Variants in GPC3 observed in about 807,000 individuals in gnomAD.
GPC3 encodes glypican 3.
In GPC3, 3 loss-of-function variants were observed where a neutral mutation model predicts 34.4. That is an observed-to-expected ratio of 0.09 (90% CI 0.04 to 0.23). The LOEUF (loss-of-function observed/expected upper bound fraction) is 0.23, where lower values mean the gene tolerates loss of function less well. GPC3 is among the 10% of genes least tolerant of loss of function. The pLI is 1.00. For missense variants in GPC3, 351 were observed against 445.6 expected (o/e 0.79, Z 1.91); for synonymous variants, 177 against 174.0 (o/e 1.02, Z -0.13).
At chrX:133,638,234 C>T (rs1379255617) in intron 6 of GPC3, among the ~76,000 whole-genome samples, 1 of 111,655 alleles carries the variant, frequency 9.0e-6, no homozygotes, top group Non-Finnish European at 1.9e-5. Flanking sequence ...GTGAACACGT[C>T]CTTTATTCAT....
At chrX:133,805,813 C>G (rs1275305738) in intron 2 of GPC3, among the ~76,000 whole-genome samples, 2 of 112,049 alleles carry the variant, frequency 1.8e-5, no homozygotes, top group Non-Finnish European at 3.8e-5. Flanking sequence ...TCCTTATCAT[C>G]CTTATCATCA....
In GPC3 at chrX:133,852,535, C is replaced by G. The variant is rs73567078; in HGVS notation, c.338-98359G>C. On this transcript the variant is annotated intron_variant, in intron 2 of 7. Coordinates refer to ENST00000370818, the MANE Select transcript of GPC3 (RefSeq NM_004484.4). ...TCTAAACGTTTAAAATCCTGGAAAGCAACTAATCACTTCTAATGAGCTGCC... is the reference window on the plus strand; with the variant it reads ...TCTAAACGTTTAAAATCCTGGAAAGGAACTAATCACTTCTAATGAGCTGCC... Among the ~76,000 whole-genome samples the G allele has an allele frequency of 1.7e-3, 193 of 111,972 alleles. 1 individual carries two copies. The highest frequency in any genetic ancestry group is 5.5e-3 in the African/African-American group (170 of 30,872).
At chrX:133,777,354 G>C (rs1463718754) in intron 2 of GPC3, among the ~76,000 whole-genome samples, 1 of 110,066 alleles carries the variant, frequency 9.1e-6, no homozygotes, top group Admixed American at 9.7e-5. Context: ...TGGACCTCTG[G>C]AGCCCAAATT....
Position 133,588,814 on chromosome X carries a change from A to G in GPC3, c.1573+7626T>C, listed in dbSNP as rs182255008. On this transcript the variant is annotated intron_variant, in intron 7 of 7. Coordinates refer to ENST00000370818, the MANE Select transcript of GPC3 (RefSeq NM_004484.4). ...GAGATCGTCGTTATTTTGTGTTCAG[A>G]TTATAAAGTAACTATAAAAAGGGAA... 8.0e-5 allele frequency among the ~76,000 whole-genome samples: 9 copies of G among 112,231 alleles called. No homozygotes were observed. The Admixed American group carries it at 8.5e-4, about 11-fold the overall frequency.
chrX:133,883,710 C>T (rs1021028941), intron 2 of GPC3, among the ~76,000 whole-genome samples: 1 of 111,582 alleles, frequency 9.0e-6, no homozygotes, highest in Non-Finnish European at 1.9e-5. Context: ...CTTTAAAGTA[C>T]TCATTACTGA....
intron 3 of GPC3, among the ~76,000 whole-genome samples, chrX:133,722,113 C>T (rs186520458): frequency 9.3e-4 from 104 of 111,342 alleles, no homozygotes; most frequent in African/African-American, 2.8e-3. Flanking sequence ...ATTATGCATA[C>T]GGATACAGTC....
intron 2 of GPC3, among the ~76,000 whole-genome samples, chrX:133,810,010 A>T (rs949175103): frequency 8.9e-6 from 1 of 112,333 alleles, no homozygotes; most frequent in Non-Finnish European, 1.9e-5. Flanking sequence ...AATATGAGAC[A>T]GTGAGCATTA....
chrX:133,950,097 C>T (rs2076385736), intron 2 of GPC3, among the ~76,000 whole-genome samples: 1 of 112,213 alleles, frequency 8.9e-6, no homozygotes, highest in South Asian at 3.7e-4. Context: ...AAAGGAAAGT[C>T]TACTTTTAGT....
intron 7 of GPC3, among the ~76,000 whole-genome samples, chrX:133,564,468 C>T (rs1439288171): frequency 9.0e-6 from 1 of 111,312 alleles, no homozygotes; most frequent in Admixed American, 9.6e-5. Flanking sequence ...AAGTCAGAGA[C>T]TCTCATCCCT....
At chrX:133,635,832 A>T (rs758264468) in intron 6 of GPC3, among the ~76,000 whole-genome samples, 17 of 56,285 alleles carry the variant, frequency 3.0e-4, no homozygotes, top group African/African-American at 1.3e-3. Context: ...GTGTGTACAT[A>T]AAAAAAAAAA....
chrX:133,788,122 A>ATATG, intron 2 of GPC3, among the ~76,000 whole-genome samples: 1 of 74,246 alleles, frequency 1.3e-5, no homozygotes, highest in East Asian at 3.9e-4. Context: ...ATATATATAT[A>ATATG]TGTATGTATA....
intron 2 of GPC3, among the ~76,000 whole-genome samples, chrX:133,950,031 C>T (rs1487208447): frequency 9.0e-6 from 1 of 111,420 alleles, no homozygotes; most frequent in Non-Finnish European, 1.9e-5. Flanking sequence ...AATAAATCTT[C>T]ACTATTGTTA....
At chrX:133,748,568 T>C (rs1188201740) in intron 3 of GPC3, among the ~76,000 whole-genome samples, 2 of 109,346 alleles carry the variant, frequency 1.8e-5, no homozygotes, top group Non-Finnish European at 3.8e-5. Flanking sequence ...CCATCTCTCT[T>C]CCCCCCAACA....
intron 2 of GPC3, among the ~76,000 whole-genome samples, chrX:133,762,155 A>G (rs1010186139): frequency 1.8e-5 from 2 of 112,198 alleles, no homozygotes; most frequent in African/African-American, 6.5e-5. Flanking sequence ...ATACCATTTC[A>G]ACAATGTTTT....
chrX:133,894,774 A>C (rs1033939349), intron 2 of GPC3, among the ~76,000 whole-genome samples: 1 of 112,000 alleles, frequency 8.9e-6, no homozygotes, highest in Admixed American at 9.5e-5. Context: ...CAGGAGGCGG[A>C]GGTTGCAGTG....
chrX:133,637,799 A>G (rs1263208368), intron 6 of GPC3, among the ~76,000 whole-genome samples: 2 of 110,413 alleles, frequency 1.8e-5, no homozygotes, highest in Non-Finnish European at 3.8e-5. Flanking sequence ...CATGCCACCA[A>G]GCCTGGCTAA....
At chrX:133,943,331 G>T (rs2076352645) in intron 2 of GPC3, among the ~76,000 whole-genome samples, 1 of 112,302 alleles carries the variant, frequency 8.9e-6, no homozygotes, top group African/African-American at 3.2e-5. Flanking sequence ...TTCTGACATT[G>T]TGCCTTCCAC....
chrX:133,985,194 G>C (rs2076561037), intron 1 of GPC3, 81 bp downstream of exon 1: 2 of 1,069,479 alleles, frequency 1.9e-6, no homozygotes, highest in Admixed American at 4.8e-5. Flanking sequence ...GCCCGGCGGG[G>C]CTAGCGCGCT....
At chrX:133,551,125 C>G (rs759911366) in intron 7 of GPC3, among the ~76,000 whole-genome samples, 1 of 100,429 alleles carries the variant, frequency 1.0e-5, no homozygotes, top group Admixed American at 1.1e-4. Context: ...CACAATCTGC[C>G]CCCCCCCACC....
Sources: gnomAD v4.1 joint callset for allele counts (sites outside exome capture counted in the v4.1 genomes callset) on GRCh38, gnomAD v4.1.1 for gene constraint, MANE v1.5 for transcripts, NCBI Gene and HGNC (gene_info 2026-07-23, HGNC 2026-07-21) for gene names.